Variants in NECTIN2 observed in about 807,000 individuals in gnomAD.
The protein encoded by NECTIN2 is nectin cell adhesion molecule 2, also known as nectin-2.
NECTIN2 carries 23 observed loss-of-function variants against 56.9 expected under a neutral mutation model. The observed-to-expected ratio is 0.40, with a 90% confidence interval of 0.29 to 0.57. The LOEUF is 0.57. Among genes scored for constraint, NECTIN2 ranks in the 20% least tolerant of loss-of-function variants. The probability of loss-of-function intolerance (pLI) is 0.38; values close to 1 mark genes in which losing one functional copy is unlikely to be tolerated. For missense variants in NECTIN2, 587 were observed against 718.3 expected, an observed-to-expected ratio of 0.82 and a Z score of 2.09; for synonymous variants, 302 against 313.8, an observed-to-expected ratio of 0.96 and a Z score of 0.40.
At position 44,864,823 on chromosome 19, in the gene NECTIN2, G is replaced by A. The variant is rs978046281; in HGVS notation, c.89-448G>A. On this transcript the variant is annotated intron_variant, in intron 1 of 8. Coordinates refer to ENST00000252483, the MANE Select transcript of NECTIN2 (RefSeq NM_001042724.2). ...AGCCTGGTCAACAGAGCAAGACTCC[G>A]TCTCAAAAAAAAAAAGAAGAATGGC... is the stretch of plus-strand genomic sequence containing the variant. Among the ~76,000 whole-genome samples, 38 of 150,938 alleles carry A rather than the reference G, an allele frequency of 2.5e-4. 1 individual carries two copies. Among genetic ancestry groups the A allele is most frequent in the African/African-American group, 8.3e-4 (34 of 41,010 alleles).
intron 2 of NECTIN2, among the ~76,000 whole-genome samples, chr19:44,867,477 G>A (rs964208034): frequency 6.6e-5 from 10 of 152,258 alleles, no homozygotes; most frequent in African/African-American, 1.2e-4. Flanking sequence ...CTGGACAAGA[G>A]AGCGAGACCC....
intron 6 of NECTIN2, among the ~76,000 whole-genome samples, chr19:44,885,532 G>A (rs1466133774): frequency 6.9e-6 from 1 of 145,046 alleles, no homozygotes; most frequent in African/African-American, 2.6e-5. Context: ...GGCTGGTCTC[G>A]AACTGCTGAC....
In NECTIN2 at chr19:44,874,758, T is replaced by C. The variant is rs1217685463; in HGVS notation, c.1042+280T>C. On this transcript the variant is annotated intron_variant, in intron 5 of 8. Coordinates refer to ENST00000252483, the MANE Select transcript of NECTIN2 (RefSeq NM_001042724.2). The surrounding 1 kb of genome is among the most constrained non-coding windows in gnomAD (Gnocchi z 6.3). ...GAGGCCTGGGTAGGGTCCTCACGAA[T>C]AGACCCGAGGAAGCTGCCCTGGGCT... 7 of 387,848 alleles carry C rather than the reference T, an allele frequency of 1.8e-5. No individual in the cohort carries two copies. The highest frequency in any genetic ancestry group is 3.4e-5 in the Non-Finnish European group (7 of 205,694). The allele number at this position is 387,848 out of a possible 1,614,324, so 24.0% of individuals were successfully genotyped here.
intron 1 of NECTIN2, among the ~76,000 whole-genome samples, chr19:44,864,807 A>G (rs965119989): frequency 1.3e-5 from 2 of 152,054 alleles, no homozygotes; most frequent in Non-Finnish European, 2.9e-5. Context: ...CAGCCTGGTC[A>G]ACAGAGCAAG....
intron 1 of NECTIN2, among the ~76,000 whole-genome samples, chr19:44,847,759 C>A (rs1403748528): frequency 6.6e-6 from 1 of 152,174 alleles, no homozygotes; most frequent in African/African-American, 2.4e-5. Flanking sequence ...GTTCCGGACT[C>A]CCCGGTTTCG....
rs1449061804 is a variant in NECTIN2, at chr19:44,882,435, G to T, written c.1196+71G>T. 4 of 1,268,326 alleles carry T rather than the reference G, an allele frequency of 3.2e-6. No homozygotes were observed. The African/African-American group carries it at 6.2e-5, about 20-fold the overall frequency. The allele number at this position is 1,268,326 out of a possible 1,614,324, so 78.6% of individuals were successfully genotyped here. On this transcript the variant is annotated intron_variant, in intron 6 of 8. Coordinates refer to ENST00000252483, the MANE Select transcript of NECTIN2 (RefSeq NM_001042724.2). ...CTGAGGAGTATGGGGTAGGGGTGAG[G>T]GTGGGAGAAAATTCTCCATAATGGC...
chr19:44,871,515 G>A (rs993346723), intron 2 of NECTIN2, among the ~76,000 whole-genome samples: 6 of 152,102 alleles, frequency 3.9e-5, no homozygotes, highest in East Asian at 1.9e-4. Context: ...GTGACAGAGC[G>A]GGCCCCTGTC....
At chr19:44,862,272 GTGTGTGGTGGCGGGCACCTGT>G (rs763906033) in intron 1 of NECTIN2, among the ~76,000 whole-genome samples, 50,195 of 151,322 alleles carry the variant, frequency 0.33, 9,129 homozygotes, top group Non-Finnish European at 0.39. Flanking sequence ...AAAATTCACT[GTGTGTGGTGGCGGGCACCTGT>G]AGTCCCAGCT....
intron 2 of NECTIN2, among the ~76,000 whole-genome samples, chr19:44,869,516 C>T (rs1040917626): frequency 6.8e-6 from 1 of 148,004 alleles, no homozygotes; most frequent in African/African-American, 2.5e-5. Context: ...TGGCATGAAC[C>T]CAGGAGGCGG....
At chr19:44,877,779 G>A (rs1021796071) in intron 5 of NECTIN2, among the ~76,000 whole-genome samples, 1 of 152,202 alleles carries the variant, frequency 6.6e-6, no homozygotes, top group African/African-American at 2.4e-5. Context: ...CAGTGACCGG[G>A]CGGCCAGATC....
intron 1 of NECTIN2, among the ~76,000 whole-genome samples, chr19:44,855,343 T>G (rs375276283): frequency 4.6e-5 from 7 of 151,424 alleles, no homozygotes; most frequent in African/African-American, 9.7e-5. Context: ...GAGAATGGCA[T>G]GAACCTGGGA....
intron 6 of NECTIN2, among the ~76,000 whole-genome samples, chr19:44,883,559 G>A (rs1020758106): frequency 7.9e-5 from 12 of 152,214 alleles, no homozygotes; most frequent in Admixed American, 6.5e-4. Context: ...ACAAGCATGA[G>A]CCACTGCGCC....
At chr19:44,880,225 G>T (rs902812684) in intron 5 of NECTIN2, among the ~76,000 whole-genome samples, 2 of 144,164 alleles carry the variant, frequency 1.4e-5, no homozygotes, top group African/African-American at 5.0e-5. Flanking sequence ...GCGGGGAATT[G>T]GGTCCGCCTG....
At chr19:44,851,522 A>G (rs1437005592) in intron 1 of NECTIN2, among the ~76,000 whole-genome samples, 1 of 151,356 alleles carries the variant, frequency 6.6e-6, no homozygotes, top group East Asian at 1.9e-4. Flanking sequence ...TGGTCTACCC[A>G]TCCCTGGATC....
In NECTIN2 at chr19:44,888,402, A is replaced by T; in HGVS notation, c.*23A>T. Reference sequence around the variant, plus strand: ...TGAGCTGCCATGCGCCTGGCGTCTCACATCTCACCTGTTGATCCCTTAGCT... The same window carrying T: ...TGAGCTGCCATGCGCCTGGCGTCTCTCATCTCACCTGTTGATCCCTTAGCT... On this transcript the variant is annotated 3_prime_UTR_variant, in exon 9 of 9. Transcript: ENST00000252483. The T allele has an allele frequency of 6.2e-7, 1 of 1,600,626 alleles. No individual in the cohort carries two copies. Among genetic ancestry groups the T allele is most frequent in the Non-Finnish European group, 8.5e-7 (1 of 1,169,856 alleles).
intron 1 of NECTIN2, among the ~76,000 whole-genome samples, chr19:44,861,272 A>G (rs780225566): frequency 6.6e-6 from 1 of 152,236 alleles, no homozygotes; most frequent in South Asian, 2.1e-4. Context: ...TAGAACTACC[A>G]TTTGGTCCAG....
intron 8 of NECTIN2, among the ~76,000 whole-genome samples, chr19:44,887,563 T>G (rs527346133): frequency 2.0e-5 from 3 of 152,178 alleles, no homozygotes; most frequent in Non-Finnish European, 4.4e-5. Context: ...GAGAATCGCT[T>G]GGACCCGGGA....
At chr19:44,887,722 A>G (rs145146193) in intron 8 of NECTIN2, among the ~76,000 whole-genome samples, 1 of 152,286 alleles carries the variant, frequency 6.6e-6, no homozygotes, top group Non-Finnish European at 1.5e-5. Flanking sequence ...CTGGGACAAG[A>G]CAAATCAAGT....
At chr19:44,866,997 ACT>A (rs2122669566) in intron 2 of NECTIN2, among the ~76,000 whole-genome samples, 1 of 150,802 alleles carries the variant, frequency 6.6e-6, no homozygotes, top group East Asian at 2.0e-4. Flanking sequence ...ACATAGTAAG[ACT>A]CTTGTCTCAA....
Sources: allele counts gnomAD v4.1 joint callset (sites outside exome capture counted in the v4.1 genomes callset), GRCh38; gene constraint gnomAD v4.1.1; non-coding constraint Gnocchi (gnomAD v3.1); transcripts MANE v1.5; gene names NCBI Gene and HGNC (gene_info 2026-07-23, HGNC 2026-07-21).